DMRTC2: variants seen among roughly 807,000 people sequenced by gnomAD.
The protein encoded by DMRTC2 is doublesex- and mab-3-related transcription factor C2.
DMRTC2 carries 13 observed loss-of-function variants against 39.9 expected under a neutral mutation model. The ratio of observed to expected loss-of-function variants is 0.33; its 90% CI spans 0.21 to 0.52. The LOEUF (loss-of-function observed/expected upper bound fraction) is 0.52. Among genes scored for constraint, DMRTC2 ranks in the 20% least tolerant of loss-of-function variants. The pLI is 0.96. For synonymous variants in DMRTC2, 189 were observed against 185.2 expected (o/e 1.02, Z -0.17); for missense variants, 431 against 472.8 (o/e 0.91, Z 0.82).
In DMRTC2 at chr19:41,849,238, C is replaced by T; in HGVS notation, c.737C>T (p.Pro246Leu). Residue 246 changes from proline to leucine, a missense_variant, in exon 6 of 9, where the codon CCC becomes CTC. Pro to Leu is a moderately conservative substitution (Grantham distance 98). Coordinates refer to ENST00000269945, the MANE Select transcript of DMRTC2 (RefSeq NM_001040283.3). ...CCTCTTTCTGGAGAGCCCCAAGGGC[C>T]CCCTAGCCAGCCCCGCACGTGAGTA... ...TAPLSGEPQG[P>L]PSQPRTHSTL... 1 of 1,613,974 alleles carries T rather than the reference C, an allele frequency of 6.2e-7. No individual in the cohort carries two copies. The highest frequency in any genetic ancestry group is 8.5e-7 in the Non-Finnish European group (1 of 1,179,934).
At chr19:41,845,831 CA>C (rs1316589870) in intron 1 of DMRTC2, among the ~76,000 whole-genome samples, 1 of 149,016 alleles carries the variant, frequency 6.7e-6, no homozygotes, top group Non-Finnish European at 1.5e-5. Flanking sequence ...CATCTCAAAA[CA>C]AAAAAAAAGA....
In DMRTC2 at chr19:41,848,981, A is replaced by G. The variant is rs1347638702; in HGVS notation, c.628+6A>G. On this transcript the variant is annotated splice_donor_region_variant and intron_variant, in intron 5 of 8. Coordinates refer to ENST00000269945, the MANE Select transcript of DMRTC2 (RefSeq NM_001040283.3). ...CTCTCTGCCTCCCTTCCCTGGTAAGATGATAATTCAACATTCATTCAACAT... is the reference window on the plus strand; with the variant it reads ...CTCTCTGCCTCCCTTCCCTGGTAAGGTGATAATTCAACATTCATTCAACAT... 1.2e-6 allele frequency: 2 copies of G among 1,613,916 alleles called. No individual in the cohort carries two copies. The highest frequency in any genetic ancestry group is 2.2e-5 in the East Asian group (1 of 44,892).
chr19:41,851,731 G>A lies in DMRTC2; in HGVS notation c.*35G>A, dbSNP rs924088450. The stretch of plus-strand genomic sequence containing the variant: ...GATGGAGGCTGTCTTGCTATGGCAG[G>A]GAGGTGACAGCCTGCTGGCACTGTA... On this transcript the variant is annotated 3_prime_UTR_variant, in exon 9 of 9. Transcript: ENST00000269945. 12 of 1,577,272 alleles carry A rather than the reference G, an allele frequency of 7.6e-6. No individual in the cohort carries two copies. Among genetic ancestry groups the A allele is most frequent in the Middle Eastern group, 1.7e-4 (1 of 5,996 alleles).
intron 6 of DMRTC2, among the ~76,000 whole-genome samples, chr19:41,849,926 A>G (rs1395870585): frequency 6.6e-6 from 1 of 152,140 alleles, no homozygotes; most frequent in African/African-American, 2.4e-5. Flanking sequence ...AAAAAAATTA[A>G]AACAGCCAGG....
intron 8 of DMRTC2, 89 bp from the exon 9 acceptor site, chr19:41,851,495 G>C: frequency 9.5e-7 from 1 of 1,049,708 alleles, no homozygotes; most frequent in South Asian, 1.5e-5. Context: ...GAACAATGAT[G>C]AGGCCTGGAT....
chr19:41,847,952 G>T, intron 3 of DMRTC2, 71 bp downstream of exon 3: 1 of 1,507,570 alleles, frequency 6.6e-7, no homozygotes, highest in Non-Finnish European at 8.9e-7. Flanking sequence ...AAGAGGCCCA[G>T]TCCTGCTGCT....
In DMRTC2 at chr19:41,851,629, G is replaced by A. The variant is rs782169803; in HGVS notation, c.1037G>A (p.Arg346Gln). 21 of 1,613,936 alleles carry A rather than the reference G, an allele frequency of 1.3e-5. No individual in the cohort carries two copies. Among genetic ancestry groups the A allele is most frequent in the South Asian group, 4.4e-5 (4 of 91,084 alleles). ...TTCCAGCCTGTTGGCCCCTGTCTTCGACCCAGCCCAGCCCCCTCTGTTGCT... is the reference window on the plus strand; with the variant it reads ...TTCCAGCCTGTTGGCCCCTGTCTTCAACCCAGCCCAGCCCCCTCTGTTGCT... ...RGFQPVGPCL[R>Q]PSPAPSVALH... The change falls in exon 9 of 9, where the codon CGA (arginine) becomes CAA (glutamine). Residue 346 changes from arginine (R) to glutamine (Q), a missense_variant. Arg to Gln is a conservative substitution (Grantham distance 43, BLOSUM62 1). Coordinates refer to ENST00000269945, the MANE Select transcript of DMRTC2 (RefSeq NM_001040283.3).
intron 4 of DMRTC2, 53 bp downstream of exon 4, chr19:41,848,581 G>C (rs2073903632): frequency 1.4e-6 from 2 of 1,413,378 alleles, no homozygotes; most frequent in Admixed American, 4.4e-5. Flanking sequence ...TTCCTACCCA[G>C]ACCCTTTCTT....
chr19:41,848,247 G>A (rs1555836456), intron 3 of DMRTC2, among the ~76,000 whole-genome samples: 2 of 152,132 alleles, frequency 1.3e-5, no homozygotes, highest in African/African-American at 4.8e-5. Context: ...TCGGGAAGCT[G>A]AGGCAGGAGA....
chr19:41,849,390 G>C, intron 6 of DMRTC2, 134 bp downstream of exon 6: 1 of 1,298,998 alleles, frequency 7.7e-7, no homozygotes, highest in Non-Finnish European at 1.1e-6. Context: ...AGCTCTCCTA[G>C]TACTGCCATT....
chr19:41,851,745 G>C lies in DMRTC2; in HGVS notation c.*49G>C. On this transcript the variant is annotated 3_prime_UTR_variant, in exon 9 of 9. Transcript: ENST00000269945. ...TGCTATGGCAGGGAGGTGACAGCCT[G>C]CTGGCACTGTATATTTAGTGTCTTA... 6.7e-7 allele frequency: 1 copy of C among 1,496,978 alleles called. No homozygotes were observed. Among genetic ancestry groups the C allele is most frequent in the Non-Finnish European group, 9.3e-7 (1 of 1,074,568 alleles). The allele number at this position is 1,496,978 out of a possible 1,614,324, so 92.7% of individuals were successfully genotyped here. A position where few individuals can be genotyped will look rare whatever the true frequency, so the allele number is the denominator to read the frequency against.
intron 8 of DMRTC2, chr19:41,851,018 C>A: frequency 3.5e-6 from 1 of 285,858 alleles, no homozygotes; most frequent in East Asian, 6.2e-5. Flanking sequence ...AGGCTGCCTG[C>A]TGAAGTCTGA....
intron 8 of DMRTC2, 157 bp downstream of exon 8, chr19:41,850,857 A>G: frequency 1.4e-6 from 1 of 695,546 alleles, no homozygotes; most frequent in Non-Finnish European, 2.2e-6. Flanking sequence ...ATTGCAGTTG[A>G]GAGTTATTCA....
chr19:41,850,757 G>A (rs1456135295), intron 8 of DMRTC2, 57 bp downstream of exon 8: 61 of 1,502,432 alleles, frequency 4.1e-5, no homozygotes, highest in Non-Finnish European at 5.2e-5. Context: ...GATCACTGAA[G>A]TACACAGGGA....
At position 41,848,523 on chromosome 19, in the gene DMRTC2, G is replaced by A. The variant is rs782574135; in HGVS notation, c.442G>A (p.Gly148Arg). The change falls in exon 4 of 9, where the codon GGG (glycine) becomes AGG (arginine). Residue 148 changes from glycine to arginine, a missense_variant. Gly to Arg is a moderately radical substitution (Grantham distance 125). Coordinates refer to ENST00000269945, the MANE Select transcript of DMRTC2 (RefSeq NM_001040283.3). ...GAVLLAPTPPGKNSCGPLLLS... is the reference protein window; with the variant it reads ...GAVLLAPTPPRKNSCGPLLLS... ...AGTCCTGCTGGCACCGACACCCCCC[G>A]GGAAGGTAAGGAGAGGCTGGGGCCT... 44 of 1,589,086 alleles carry A rather than the reference G, an allele frequency of 2.8e-5. No homozygotes were observed. The highest frequency in any genetic ancestry group is 1.7e-4 in the South Asian group (15 of 87,298).
intron 3 of DMRTC2, 49 bp from the exon 4 acceptor site, chr19:41,848,403 T>A (rs781908021): frequency 1.3e-6 from 2 of 1,504,778 alleles, no homozygotes; most frequent in African/African-American, 2.8e-5. Flanking sequence ...TGGGGTAGGA[T>A]AGGGGTCAGG....
At position 41,850,632 on chromosome 19, in the gene DMRTC2, C is replaced by T. The variant is rs1313838070; in HGVS notation, c.923C>T (p.Pro308Leu). Residue 308 changes from proline to leucine, a missense_variant, in exon 8 of 9, where the codon CCT becomes CTT. Physicochemically the swap from Pro to Leu is moderately conservative, Grantham distance 98. Coordinates refer to ENST00000269945, the MANE Select transcript of DMRTC2 (RefSeq NM_001040283.3). ...LVGLKDSSQAPRVTPSVPPNP... is the reference protein window; with the variant it reads ...LVGLKDSSQALRVTPSVPPNP... Reference sequence around the variant, plus strand: ...GGGCTGAAAGATTCATCCCAGGCTCCTCGTGTGACCCCTTCTGTGCCCCCC... The same window carrying T: ...GGGCTGAAAGATTCATCCCAGGCTCTTCGTGTGACCCCTTCTGTGCCCCCC... 69 of 1,613,380 alleles carry T rather than the reference C, an allele frequency of 4.3e-5. No individual in the cohort carries two copies. The Admixed American group carries it at 1.1e-3, about 27-fold the overall frequency.
intron 3 of DMRTC2, 42 bp downstream of exon 3, chr19:41,847,923 AG>A (rs2073890194): frequency 6.5e-7 from 1 of 1,548,194 alleles, no homozygotes. Flanking sequence ...GTTTGGGTAC[AG>A]GAGGCAGGTA....
At position 41,850,662 on chromosome 19, in the gene DMRTC2, C is replaced by T; in HGVS notation, c.953C>T (p.Pro318Leu). 6.2e-7 allele frequency: 1 copy of T among 1,602,578 alleles called. No homozygotes were observed. Among genetic ancestry groups the T allele is most frequent in the African/African-American group, 1.3e-5 (1 of 74,218 alleles). The change falls in exon 8 of 9, where the codon CCT becomes CTT. Residue 318 changes from proline to leucine, a missense_variant. Pro to Leu is a moderately conservative substitution (Grantham distance 98, BLOSUM62 -3). Coordinates refer to ENST00000269945, the MANE Select transcript of DMRTC2 (RefSeq NM_001040283.3). ...GTGACCCCTTCTGTGCCCCCCAACCCTGCCTGGATCTCCCTGCTTCACCCC... is the reference window on the plus strand; with the variant it reads ...GTGACCCCTTCTGTGCCCCCCAACCTTGCCTGGATCTCCCTGCTTCACCCC... ...PRVTPSVPPN[P>L]AWISLLHPCG...
Sources: gnomAD v4.1 joint callset for allele counts (sites outside exome capture counted in the v4.1 genomes callset) on GRCh38, gnomAD v4.1.1 for gene constraint, MANE v1.5 for transcripts, NCBI Gene and HGNC (gene_info 2026-07-23, HGNC 2026-07-21) for gene names.